DNASE1L3: variants seen among roughly 807,000 people sequenced by gnomAD.
DNASE1L3 encodes the protein deoxyribonuclease 1L3.
A neutral mutation model predicts 30.9 loss-of-function variants in DNASE1L3; 27 were observed. That is an observed-to-expected ratio of 0.87 (90% CI 0.64 to 1.20). DNASE1L3 has a LOEUF of 1.20. Ranked by LOEUF, DNASE1L3 falls within the 50% of genes most tolerant of loss-of-function variation. The pLI, the probability that DNASE1L3 is intolerant of heterozygous loss-of-function variation, is 0.00. For missense variants in DNASE1L3, 364 were observed against 378.2 expected (o/e 0.96, Z 0.31); for synonymous variants, 135 against 138.0 (o/e 0.98, Z 0.15).
intron 5 of DNASE1L3, among the ~76,000 whole-genome samples, chr3:58,198,236 G>A (rs186115167): frequency 2.0e-5 from 3 of 152,256 alleles, no homozygotes; most frequent in Admixed American, 2.0e-4. Context: ...CATATGGATG[G>A]GCTCTAATCC....
At chr3:58,209,298 A>G (rs369410411) in intron 1 of DNASE1L3, among the ~76,000 whole-genome samples, 1 of 152,172 alleles carries the variant, frequency 6.6e-6, no homozygotes, top group Non-Finnish European at 1.5e-5. Flanking sequence ...GGAGATGCAG[A>G]GTTCAAGCCC....
Position 58,201,021 on chromosome 3 carries a change from G to T in DNASE1L3, c.522C>A (p.Asp174Glu), listed in dbSNP as rs146622951. 4.3e-6 allele frequency: 7 copies of T among 1,612,234 alleles called. No homozygotes were observed. In the East Asian group the frequency reaches 1.3e-4, roughly 31 times the overall value. ...EIDELVEVYTDVKHRWKAENF... is the reference protein window; with the variant it reads ...EIDELVEVYTEVKHRWKAENF... ...CCTCCGCCTTCCAGCGGTGTTTCAC[G>T]TCCGTGTAGACCTCAACCAACTCAT... The change falls in exon 5 of 8, where the codon GAC (aspartate) becomes GAA (glutamate). Residue 174 changes from aspartate (D) to glutamate (E), a missense_variant. By Grantham distance (45) the Asp-to-Glu change is conservative. Coordinates refer to ENST00000394549, the MANE Select transcript of DNASE1L3 (RefSeq NM_004944.4).
intron 4 of DNASE1L3, among the ~76,000 whole-genome samples, chr3:58,204,503 T>C (rs912573014): frequency 1.3e-5 from 2 of 152,148 alleles, no homozygotes; most frequent in Non-Finnish European, 2.9e-5. Context: ...CAGAAAACAA[T>C]TTCCATGAGC....
At chr3:58,193,547 T>C (rs1481240080) in intron 6 of DNASE1L3, 108 bp from the exon 7 acceptor site, 1 of 924,530 alleles carries the variant, frequency 1.1e-6, no homozygotes, top group African/African-American at 1.6e-5. Context: ...TCTGGCCCTT[T>C]CATGTGGCGC....
At position 58,192,788 on chromosome 3, in the gene DNASE1L3, C is replaced by T. The variant is rs762324739; in HGVS notation, c.817G>A (p.Asp273Asn). The T allele has an allele frequency of 6.8e-6, 11 of 1,613,596 alleles. No individual in the cohort carries two copies. The highest frequency in any genetic ancestry group is 3.3e-4 in the Middle Eastern group (2 of 6,080). Residue 273 changes from aspartate to asparagine, a missense_variant, in exon 8 of 8, where the codon GAC becomes AAC. Transcript: ENST00000394549. This position sits in a 1 kb window ranked among gnomAD's most constrained non-coding sequence, Gnocchi z 4.8. ...AGTTTAAATTCAACTGGAAAGTGGT[C>T]GCTGACATCCAGGGCCTATAAGGAG... The part of the protein sequence containing the change: ...LTEEEALDVS[D>N]HFPVEFKLQS...
Position 58,197,514 on chromosome 3 carries a change from GC to G in DNASE1L3, c.704+306del, listed in dbSNP as rs776280941. Among the ~76,000 whole-genome samples the G allele has an allele frequency of 1.1e-4, 17 of 152,116 alleles. No homozygotes were observed. Among genetic ancestry groups the G allele is most frequent in the Non-Finnish European group, 2.1e-4 (14 of 68,016 alleles). On this transcript the variant is annotated intron_variant, in intron 6 of 7. Transcript: ENST00000394549. This position sits in a 1 kb window ranked among gnomAD's most constrained non-coding sequence, Gnocchi z 5.3. ...GTTACCCAGGCTGGAGTGCAGTGGT[GC>G]GATCCTGGCTCACTGCAGCCTCCAC...
intron 6 of DNASE1L3, among the ~76,000 whole-genome samples, 193 bp from the exon 7 acceptor site, chr3:58,193,632 G>C (rs1427837329): frequency 6.6e-6 from 1 of 152,236 alleles, no homozygotes; most frequent in East Asian, 1.9e-4. Flanking sequence ...ATCAGTCCCT[G>C]CCATGGTTCT....
intron 6 of DNASE1L3, among the ~76,000 whole-genome samples, chr3:58,194,648 CG>C (rs2097396121): frequency 8.4e-6 from 1 of 119,574 alleles, no homozygotes; most frequent in Non-Finnish European, 1.6e-5. Context: ...TTTTTTGAGA[CG>C]GAGTCTCTCT....
chr3:58,193,249 T>G, intron 7 of DNASE1L3, 94 bp downstream of exon 7: 1 of 1,527,562 alleles, frequency 6.5e-7, no homozygotes, highest in African/African-American at 1.4e-5. Context: ...GCTAATTTTT[T>G]TGAATTTTTC....
chr3:58,194,314 CTT>C (rs11358965), intron 6 of DNASE1L3, among the ~76,000 whole-genome samples: 360 of 89,030 alleles, frequency 4.0e-3, no homozygotes, highest in Middle Eastern at 0.016. Flanking sequence ...GCACAACTAA[CTT>C]TTTTTTTTTT....
chr3:58,198,924 C>T (rs1274885708), intron 5 of DNASE1L3, among the ~76,000 whole-genome samples: 1 of 152,144 alleles, frequency 6.6e-6, no homozygotes, highest in Non-Finnish European at 1.5e-5. Context: ...TGTCCACCCC[C>T]ACCCAAGGCC....
Position 58,203,157 on chromosome 3 carries a change from C to T in DNASE1L3, c.433+1612G>A, listed in dbSNP as rs114033299. 2.7e-3 allele frequency among the ~76,000 whole-genome samples: 413 copies of T among 152,324 alleles called. 1 individual carries two copies. Among genetic ancestry groups the T allele is most frequent in the African/African-American group, 9.5e-3 (397 of 41,574 alleles). On this transcript the variant is annotated intron_variant, in intron 4 of 7. Transcript: ENST00000394549. The stretch of plus-strand genomic sequence containing the variant: ...ACAGACACGGGCTGTGGGGCGGTCA[C>T]TGCTCAAGTCACACAGAGAGGAGCC...
At chr3:58,199,815 T>C in intron 5 of DNASE1L3, among the ~76,000 whole-genome samples, 1 of 152,184 alleles carries the variant, frequency 6.6e-6, no homozygotes. Flanking sequence ...GATTTCATAA[T>C]TTTTGGAAAG....
chr3:58,208,080 G>A (rs752973667), intron 2 of DNASE1L3, 138 bp downstream of exon 2: 63 of 741,200 alleles, frequency 8.5e-5, no homozygotes, highest in South Asian at 7.9e-4. Flanking sequence ...GGCTAAGGGA[G>A]CTGGACTCCT....
At chr3:58,207,023 G>T (rs2097404465) in intron 2 of DNASE1L3, among the ~76,000 whole-genome samples, 1 of 152,118 alleles carries the variant, frequency 6.6e-6, no homozygotes, top group African/African-American at 2.4e-5. Flanking sequence ...ATCTCATCTT[G>T]CTCCTGCCCA....
At position 58,201,050 on chromosome 3, in the gene DNASE1L3, T is replaced by G. The variant is rs2097400234; in HGVS notation, c.493A>C (p.Ile165Leu). The G allele has an allele frequency of 3.1e-6, 5 of 1,613,124 alleles. No homozygotes were observed. Among genetic ancestry groups the G allele is most frequent in the Non-Finnish European group, 4.2e-6 (5 of 1,179,538 alleles). Residue 165 changes from isoleucine to leucine, a missense_variant, in exon 5 of 8, where the codon ATC (isoleucine) becomes CTC (leucine). Physicochemically the swap from Ile to Leu is conservative, Grantham distance 5. Transcript: ENST00000394549. ...HTTPETSVKE[I>L]DELVEVYTDV... ...GTGTAGACCTCAACCAACTCATCGA[T>G]CTCCTTAACGGATGTCTCTGGGGTG...
intron 6 of DNASE1L3, among the ~76,000 whole-genome samples, chr3:58,195,220 A>G (rs1391715160): frequency 6.6e-6 from 1 of 152,210 alleles, no homozygotes; most frequent in African/African-American, 2.4e-5. Flanking sequence ...CATCTTGTCT[A>G]ATTACATTTT....
At chr3:58,202,945 C>A (rs949283661) in intron 4 of DNASE1L3, among the ~76,000 whole-genome samples, 1 of 152,142 alleles carries the variant, frequency 6.6e-6, no homozygotes, top group African/African-American at 2.4e-5. Context: ...ATGGTCTTCA[C>A]GAAAGACTTT....
At chr3:58,203,652 T>C (rs2097402179) in intron 4 of DNASE1L3, among the ~76,000 whole-genome samples, 1 of 149,206 alleles carries the variant, frequency 6.7e-6, no homozygotes. Flanking sequence ...ATTTTAAAAT[T>C]AGCTGAGTGT....
Sources: allele counts gnomAD v4.1 joint callset (sites outside exome capture counted in the v4.1 genomes callset), GRCh38; gene constraint gnomAD v4.1.1; non-coding constraint Gnocchi (gnomAD v3.1); transcripts MANE v1.5; gene names NCBI Gene and HGNC (gene_info 2026-07-23, HGNC 2026-07-21).